Variants in CEBPZOS observed in about 807,000 individuals in gnomAD.
CEBPZOS encodes protein CEBPZOS.
In CEBPZOS, 10 loss-of-function variants were observed where a neutral mutation model predicts 4.8. The ratio of observed to expected loss-of-function variants is 2.07; its 90% CI spans 1.28 to 3.52. The LOEUF is 3.52. Among genes scored for constraint, CEBPZOS ranks in the 30% most tolerant of loss-of-function variants. The pLI, the probability that CEBPZOS is intolerant of heterozygous loss-of-function variation, is 0.00. For synonymous variants in CEBPZOS, 25 were observed against 14.2 expected (o/e 1.77, Z -1.72); for missense variants, 98 against 43.6 (o/e 2.25, Z -3.51).
chr2:37,208,625 A>G (rs1388465368), downstream of CEBPZOS, among the ~76,000 whole-genome samples: 2 of 152,216 alleles, frequency 1.3e-5, no homozygotes, highest in Non-Finnish European at 2.9e-5. Context: ...CAAAACTGGC[A>G]TACAAGGGAC....
At chr2:37,197,069 C>T (rs893910720) in intron 1 of CEBPZOS, among the ~76,000 whole-genome samples, 66 of 152,220 alleles carry the variant, frequency 4.3e-4, no homozygotes, top group African/African-American at 1.4e-3. Flanking sequence ...GTCAGCGTCT[C>T]AGCCCCGTGT....
At chr2:37,211,261 T>C (rs1677712794) in intron 4 of CEBPZOS, 1 of 436,756 alleles carries the variant, frequency 2.3e-6, no homozygotes, top group African/African-American at 2.0e-5. Flanking sequence ...ACTCTAAGAA[T>C]TGGCACAGTT....
rs117949087 is a variant in CEBPZOS, at chr2:37,201,989, C to T, written c.*129C>T. On this transcript the variant is annotated 3_prime_UTR_variant, in exon 5 of 5. Transcript: ENST00000402297. ...AGAACATGCTGCTGAGTCACAGGAA[C>T]TTCTAGCCTGCCTTGGCCTGTGGTT... The T allele has an allele frequency of 7.1e-4, 931 of 1,318,800 alleles. 11 individuals are homozygous for T. The East Asian group carries it at 0.019, about 27-fold the overall frequency. The allele number at this position is 1,318,800 out of a possible 1,614,324, so 81.7% of individuals were successfully genotyped here.
chr2:37,199,852 A>G, intron 2 of CEBPZOS, 33 bp downstream of exon 2: 1 of 711,940 alleles, frequency 1.4e-6, no homozygotes. Flanking sequence ...TGCTTTCTAA[A>G]GGGGTATAGT....
chr2:37,212,172 T>C (rs1415499247), intron 4 of CEBPZOS: 4 of 973,318 alleles, frequency 4.1e-6, no homozygotes, highest in Non-Finnish European at 6.1e-6. Context: ...GAGTAAATAA[T>C]AACGTGCTTT....
chr2:37,197,556 G>A (rs1247234253), intron 1 of CEBPZOS, among the ~76,000 whole-genome samples: 1 of 152,194 alleles, frequency 6.6e-6, no homozygotes, highest in Non-Finnish European at 1.5e-5. Context: ...GGCGGTCTTT[G>A]TTCATTCCTT....
intron 2 of CEBPZOS, among the ~76,000 whole-genome samples, chr2:37,200,690 G>C (rs1032000686): frequency 1.3e-5 from 2 of 151,792 alleles, no homozygotes; most frequent in Admixed American, 6.6e-5. Flanking sequence ...GGGCATGATG[G>C]TGTGCTCCTG....
At chr2:37,212,887 A>C (rs1420612194) in intron 4 of CEBPZOS, among the ~76,000 whole-genome samples, 3 of 151,442 alleles carry the variant, frequency 2.0e-5, no homozygotes, top group Non-Finnish European at 4.4e-5. Context: ...AACAAAAAAA[A>C]AACGAGCCGG....
downstream of CEBPZOS, among the ~76,000 whole-genome samples, chr2:37,207,460 C>T (rs1206920632): frequency 6.6e-6 from 1 of 152,164 alleles, no homozygotes; most frequent in African/African-American, 2.4e-5. Context: ...TACCCTCTCA[C>T]ACCACAGTGG....
chr2:37,197,611 C>T (rs1031765484), intron 1 of CEBPZOS, among the ~76,000 whole-genome samples: 3 of 152,178 alleles, frequency 2.0e-5, no homozygotes, highest in Non-Finnish European at 2.9e-5. Flanking sequence ...GCGGCACACG[C>T]CTGTAATACC....
chr2:37,210,686 G>C (rs547810729), intron 4 of CEBPZOS: 1 of 244,470 alleles, frequency 4.1e-6, no homozygotes, highest in South Asian at 5.6e-5. Context: ...TGAGTGATGG[G>C]TGCACCAAAA....
intron 4 of CEBPZOS, among the ~76,000 whole-genome samples, chr2:37,213,135 G>C (rs1317748880): frequency 1.3e-5 from 2 of 152,026 alleles, no homozygotes; most frequent in East Asian, 3.8e-4. Flanking sequence ...CATGTTTTTT[G>C]TTTAAGTCTA....
downstream of CEBPZOS, among the ~76,000 whole-genome samples, chr2:37,205,927 G>A (rs895591346): frequency 1.3e-5 from 2 of 152,124 alleles, no homozygotes; most frequent in African/African-American, 4.8e-5. Context: ...TTATTGCAAG[G>A]GTCAAATGGC....
At chr2:37,212,401 CA>C in intron 4 of CEBPZOS, 1 of 1,610,340 alleles carries the variant, frequency 6.2e-7, no homozygotes, top group Non-Finnish European at 8.5e-7. Context: ...GTCTGCCAGA[CA>C]ATACAGAAAT....
chr2:37,211,392 G>A, intron 4 of CEBPZOS: 1 of 250,244 alleles, frequency 4.0e-6, no homozygotes, highest in Non-Finnish European at 7.5e-6. Flanking sequence ...AGAATGTTGG[G>A]CAGGCATGTG....
At chr2:37,214,168 T>A (rs554765168), downstream of CEBPZOS, among the ~76,000 whole-genome samples, 1 of 152,284 alleles carries the variant, frequency 6.6e-6, no homozygotes, top group East Asian at 1.9e-4. Flanking sequence ...GTGTAATACA[T>A]TTCAAAGATA....
intron 2 of CEBPZOS, among the ~76,000 whole-genome samples, chr2:37,200,572 C>T (rs937911180): frequency 6.6e-6 from 1 of 152,010 alleles, no homozygotes; most frequent in Non-Finnish European, 1.5e-5. Context: ...TGATGGCTTG[C>T]ACTTGTAATT....
rs773267004 is a variant in CEBPZOS at position 37,201,804 on chromosome 2, C to G, written c.*3-59C>G. ...TTTAGTTTTTTGAGTGGTTTTAATC[C>G]TCTTCTTTTTAAAATGTTTCTTTTT... On this transcript the variant is annotated intron_variant, in intron 4 of 4. Transcript: ENST00000402297. The G allele has an allele frequency of 1.9e-6, 3 of 1,570,380 alleles. No individual in the cohort carries two copies. The African/African-American group carries it at 4.0e-5, about 21-fold the overall frequency.
At position 37,202,814 on chromosome 2, in the gene CEBPZOS, T is replaced by C. The variant is rs746619114; in HGVS notation, c.*954T>C. 6 of 1,598,748 alleles carry C rather than the reference T, an allele frequency of 3.8e-6. No individual in the cohort carries two copies. The highest frequency in any genetic ancestry group is 1.1e-5 in the South Asian group (1 of 87,852). ...TTATCTTTGTTAGCCATGGCATTCA[T>C]GCCAATGTTATCAAACTTGGATCCC... On this transcript the variant is annotated 3_prime_UTR_variant, in exon 5 of 5. Coordinates refer to ENST00000402297, the MANE Select transcript of CEBPZOS (RefSeq NM_001322374.2).
Sources: gnomAD v4.1 joint callset for allele counts (sites outside exome capture counted in the v4.1 genomes callset) on GRCh38, gnomAD v4.1.1 for gene constraint, MANE v1.5 for transcripts, NCBI Gene and HGNC (gene_info 2026-07-23, HGNC 2026-07-21) for gene names.